TSHZ2: variants seen among roughly 807,000 people sequenced by gnomAD.
TSHZ2 encodes the protein teashirt zinc finger homeobox 2.
TSHZ2 carries 21 observed loss-of-function variants against 74.4 expected under a neutral mutation model. The observed-to-expected ratio is 0.28, with a 90% confidence interval of 0.20 to 0.41. The LOEUF is 0.41. TSHZ2 is among the 10% of genes least tolerant of loss of function. TSHZ2 has a pLI of 1.00. For missense variants in TSHZ2, 1,244 were observed against 1,293.5 expected (o/e 0.96, Z 0.59); for synonymous variants, 540 against 515.3 (o/e 1.05, Z -0.65).
chr20:53,365,977 T>C (rs1981243129), intron 2 of TSHZ2, among the ~76,000 whole-genome samples: 1 of 152,226 alleles, frequency 6.6e-6, no homozygotes, highest in African/African-American at 2.4e-5. Flanking sequence ...CCTTGGAGAT[T>C]GTTTAGGCTC....
At chr20:53,075,039 A>G (rs746306576) in intron 1 of TSHZ2, among the ~76,000 whole-genome samples, 1 of 152,210 alleles carries the variant, frequency 6.6e-6, no homozygotes, top group Non-Finnish European at 1.5e-5. Flanking sequence ...TTGAAATTTC[A>G]TGACAAAAAA....
intron 2 of TSHZ2, among the ~76,000 whole-genome samples, chr20:53,445,841 G>A (rs1418305395): frequency 6.6e-6 from 1 of 152,198 alleles, no homozygotes; most frequent in African/African-American, 2.4e-5. Flanking sequence ...TTTGGACCTT[G>A]TATTATCTAT....
At chr20:53,473,777 TATAACTAGA>T (rs1985904265) in intron 2 of TSHZ2, among the ~76,000 whole-genome samples, 1 of 151,820 alleles carries the variant, frequency 6.6e-6, no homozygotes, top group Non-Finnish European at 1.5e-5. Context: ...TAGAAGAATG[TATAACTAGA>T]ATAACCAATA....
At chr20:53,412,450 A>G (rs1983087623) in intron 2 of TSHZ2, 1 of 152,246 alleles carries the variant, frequency 6.6e-6, no homozygotes, top group African/African-American at 2.4e-5. Flanking sequence ...GCTTTTAACC[A>G]TTTTTAAGTG....
chr20:53,053,202 A>G (rs563994042), intron 1 of TSHZ2, among the ~76,000 whole-genome samples: 11 of 152,328 alleles, frequency 7.2e-5, no homozygotes, highest in African/African-American at 2.6e-4. Flanking sequence ...AGATTCGTTC[A>G]TGTTGTATCA....
At chr20:53,221,449 G>C (rs1019239851) in intron 1 of TSHZ2, among the ~76,000 whole-genome samples, 1 of 152,182 alleles carries the variant, frequency 6.6e-6, no homozygotes, top group Admixed American at 6.5e-5. Context: ...TTCTGGGTCA[G>C]CAGGGAATGT....
At chr20:53,457,940 G>A (rs919321309) in intron 2 of TSHZ2, among the ~76,000 whole-genome samples, 22 of 149,266 alleles carry the variant, frequency 1.5e-4, no homozygotes, top group African/African-American at 5.4e-4. Flanking sequence ...GCTTTTTGAT[G>A]TGCTGCTGGA....
chr20:53,146,902 A>G (rs1342531734), intron 1 of TSHZ2, among the ~76,000 whole-genome samples: 2 of 152,182 alleles, frequency 1.3e-5, no homozygotes, highest in African/African-American at 4.8e-5. Context: ...CAGGACCCGT[A>G]TTAATAACTG....
At chr20:53,001,000 G>A (rs56391396) in intron 1 of TSHZ2, among the ~76,000 whole-genome samples, 4,068 of 152,226 alleles carry the variant, frequency 0.027, 80 homozygotes, top group Non-Finnish European at 0.039. Context: ...AATCTGAGAG[G>A]CTCTCTAGTT....
At chr20:53,228,214 G>A (rs1192465213) in intron 1 of TSHZ2, among the ~76,000 whole-genome samples, 2 of 151,908 alleles carry the variant, frequency 1.3e-5, no homozygotes, top group Admixed American at 6.6e-5. Context: ...TCAGGACTCT[G>A]TGCCTCTGGA....
At chr20:53,345,428 C>T (rs929262360) in intron 2 of TSHZ2, among the ~76,000 whole-genome samples, 6 of 152,006 alleles carry the variant, frequency 3.9e-5, no homozygotes, top group African/African-American at 1.2e-4. Context: ...TCTGGTCCCC[C>T]GTCCCCCAGT....
intron 2 of TSHZ2, among the ~76,000 whole-genome samples, chr20:53,396,796 C>A (rs1358073266): frequency 1.4e-5 from 2 of 141,776 alleles, no homozygotes. Context: ...TACAGTGAGC[C>A]AAGATGGCGC....
chr20:53,140,278 C>T (rs1041380360), intron 1 of TSHZ2, among the ~76,000 whole-genome samples: 8 of 152,066 alleles, frequency 5.3e-5, no homozygotes, highest in Admixed American at 2.0e-4. Flanking sequence ...CGGTGGCTCG[C>T]GCCTGTAATC....
chr20:53,313,751 T>C (rs1411117257), intron 2 of TSHZ2, among the ~76,000 whole-genome samples: 3 of 152,214 alleles, frequency 2.0e-5, no homozygotes, highest in Non-Finnish European at 4.4e-5. Flanking sequence ...TGTTCCACAA[T>C]CTAGAAGTGA....
intron 2 of TSHZ2, among the ~76,000 whole-genome samples, chr20:53,469,524 AGT>A (rs1336433302): frequency 1.7e-4 from 26 of 151,156 alleles, no homozygotes; most frequent in Admixed American, 7.3e-4. Context: ...AGCCTGGGTG[AGT>A]GAGACTCTGT....
intron 2 of TSHZ2, among the ~76,000 whole-genome samples, chr20:53,327,173 T>C (rs1979528382): frequency 6.6e-6 from 1 of 152,182 alleles, no homozygotes; most frequent in Non-Finnish European, 1.5e-5. Flanking sequence ...CATTTGTTCA[T>C]TCTGTTGGGT....
At chr20:53,236,294 GTATC>G (rs777670482) in intron 1 of TSHZ2, among the ~76,000 whole-genome samples, 2 of 152,160 alleles carry the variant, frequency 1.3e-5, no homozygotes, top group Non-Finnish European at 2.9e-5. Context: ...TTGAACAAGT[GTATC>G]TAACCCAACC....
chr20:53,028,799 A>G (rs1983538551), intron 1 of TSHZ2, among the ~76,000 whole-genome samples: 1 of 152,154 alleles, frequency 6.6e-6, no homozygotes, highest in Non-Finnish European at 1.5e-5. Context: ...AGATTACACC[A>G]TCTTCTAGAG....
At chr20:53,138,408 A>G (rs972946102) in intron 1 of TSHZ2, among the ~76,000 whole-genome samples, 5 of 151,292 alleles carry the variant, frequency 3.3e-5, no homozygotes, top group African/African-American at 1.2e-4. Flanking sequence ...AAAAAAAAAC[A>G]ATACTTCACA....
Sources: gnomAD v4.1 joint callset for allele counts (sites outside exome capture counted in the v4.1 genomes callset) on GRCh38, gnomAD v4.1.1 for gene constraint, MANE v1.5 for transcripts, NCBI Gene and HGNC (gene_info 2026-07-23, HGNC 2026-07-21) for gene names.